SUCO: variants seen among roughly 807,000 people sequenced by gnomAD.
SUCO encodes the protein SUN domain-containing ossification factor.
In SUCO, 57 loss-of-function variants were observed where a neutral mutation model predicts 148.1. That is an observed-to-expected ratio of 0.38 (90% CI 0.31 to 0.48). The LOEUF is 0.48. Ranked by LOEUF, SUCO falls within the 20% of genes least tolerant of loss-of-function variation. The pLI is 0.96. For synonymous variants in SUCO, 470 were observed against 502.7 expected, an observed-to-expected ratio of 0.93 and a Z score of 0.87; for missense variants, 1,331 against 1,468.2, an observed-to-expected ratio of 0.91 and a Z score of 1.53.
At chr1:172,573,518 A>G (rs987629953) in intron 9 of SUCO, among the ~76,000 whole-genome samples, 4 of 152,196 alleles carry the variant, frequency 2.6e-5, no homozygotes, top group African/African-American at 9.6e-5. Flanking sequence ...ATCGAAGACT[A>G]TGATAACTTT....
At chr1:172,570,638 G>A (rs955550237) in intron 8 of SUCO, 25 bp from the exon 9 acceptor site, 1 of 1,432,540 alleles carries the variant, frequency 7.0e-7, no homozygotes. Flanking sequence ...TAAGTAATTT[G>A]TTTCCTTTCC....
chr1:172,573,226 T>TC (rs1304991247), intron 9 of SUCO, among the ~76,000 whole-genome samples: 1 of 152,128 alleles, frequency 6.6e-6, no homozygotes, highest in Non-Finnish European at 1.5e-5. Context: ...CAAACTCTCT[T>TC]CCCCCACAGC....
At chr1:172,588,443 A>C in intron 17 of SUCO, 6 of 985,238 alleles carry the variant, frequency 6.1e-6, no homozygotes, top group Non-Finnish European at 7.2e-6. Flanking sequence ...GGAAAGGAAC[A>C]CTACATTCAG....
intron 6 of SUCO, among the ~76,000 whole-genome samples, chr1:172,567,497 A>G (rs953409993): frequency 6.6e-6 from 1 of 152,228 alleles, no homozygotes; most frequent in African/African-American, 2.4e-5. Flanking sequence ...TAAATAATAT[A>G]TATTATATGG....
chr1:172,602,860 G>A, intron 22 of SUCO, 73 bp downstream of exon 22: 1 of 1,327,204 alleles, frequency 7.5e-7, no homozygotes, highest in African/African-American at 1.5e-5. Context: ...TAATGTCAGT[G>A]TTGTGTTCAT....
At chr1:172,569,668 C>T (rs1051626590) in intron 7 of SUCO, among the ~76,000 whole-genome samples, 1 of 151,740 alleles carries the variant, frequency 6.6e-6, no homozygotes, top group African/African-American at 2.4e-5. Context: ...AACAAACCTG[C>T]ACATCTTGCG....
intron 10 of SUCO, chr1:172,575,060 T>G (rs1655334366): frequency 4.9e-6 from 1 of 205,640 alleles, no homozygotes; most frequent in African/African-American, 2.4e-5. Flanking sequence ...TTTTAGACTT[T>G]TATATTAAAT....
In SUCO at chr1:172,589,792, A is replaced by G. The variant is rs1359867505; in HGVS notation, c.2691A>G (p.Leu897=). 3 of 1,612,294 alleles carry G rather than the reference A, an allele frequency of 1.9e-6. No homozygotes were observed. Among genetic ancestry groups the G allele is most frequent in the South Asian group, 1.1e-5 (1 of 90,870 alleles). The part of the protein sequence containing the change: ...FYAELQNSTD[L]GYANGNLVHG... The stretch of plus-strand genomic sequence containing the variant: ...CTGAATTGCAAAATTCTACAGATCT[A>G]GGATATGCTAATGGAAATCTTGTAC... The change falls in exon 18 of 24, where the codon CTA becomes CTG. Residue 897 remains leucine, a synonymous_variant. Transcript: ENST00000263688.
At chr1:172,532,979 A>C, upstream of SUCO, 2 of 1,385,314 alleles carry the variant, frequency 1.4e-6, no homozygotes, top group African/African-American at 1.5e-5. Flanking sequence ...TGGCCTGCGC[A>C]GAGGCTGGTG....
rs114175104 is a variant in SUCO at position 172,563,256 on chromosome 1, C to T, written c.732+5462C>T. 9.3e-3 allele frequency among the ~76,000 whole-genome samples: 1,413 copies of T among 152,184 alleles called. 23 individuals carry two copies. The highest frequency in any genetic ancestry group is 0.032 in the African/African-American group (1,346 of 41,482). On this transcript the variant is annotated intron_variant, in intron 6 of 23. Coordinates refer to ENST00000263688, the MANE Select transcript of SUCO (RefSeq NM_014283.5). ...AGTGACTTTGGAACTGGGAAATGGG[C>T]AGAGGTTGGACAGTTTGGAGGGCTC...
At chr1:172,551,352 AT>A (rs1653282069) in intron 1 of SUCO, among the ~76,000 whole-genome samples, 159 bp from the exon 2 acceptor site, 1 of 151,970 alleles carries the variant, frequency 6.6e-6, no homozygotes, top group African/African-American at 2.4e-5. Flanking sequence ...ATACGTATTG[AT>A]TTTCGTCATT....
chr1:172,573,488 G>C (rs1160842929), intron 9 of SUCO, among the ~76,000 whole-genome samples: 1 of 152,070 alleles, frequency 6.6e-6, no homozygotes, highest in East Asian at 1.9e-4. Context: ...GAATCCTTAA[G>C]ATAAATTTCT....
In SUCO at chr1:172,567,159, T is replaced by C. The variant is rs949104885; in HGVS notation, c.733-1860T>C. On this transcript the variant is annotated intron_variant, in intron 6 of 23. Coordinates refer to ENST00000263688, the MANE Select transcript of SUCO (RefSeq NM_014283.5). ...AAAGAAGAAATAGTCCCAGAAGTTA[T>C]GGATATTTCATGTTAGTGCTCAAAA... 2.0e-5 allele frequency among the ~76,000 whole-genome samples: 3 copies of C among 152,228 alleles called. 1 individual carries two copies. The highest frequency in any genetic ancestry group is 4.1e-4 in the South Asian group (2 of 4,830).
chr1:172,562,639 C>A (rs895023599), intron 6 of SUCO, among the ~76,000 whole-genome samples: 10 of 152,146 alleles, frequency 6.6e-5, no homozygotes, highest in Non-Finnish European at 1.2e-4. Context: ...CCCAGTTAGA[C>A]CATTCTTTAG....
At chr1:172,571,019 A>G (rs903855263) in intron 9 of SUCO, among the ~76,000 whole-genome samples, 2 of 152,204 alleles carry the variant, frequency 1.3e-5, no homozygotes, top group Non-Finnish European at 2.9e-5. Context: ...GAGATGAGAG[A>G]AGGCTTCCTG....
At chr1:172,599,979 G>T (rs1657391294) in intron 19 of SUCO, 85 bp from the exon 20 acceptor site, 4 of 928,808 alleles carry the variant, frequency 4.3e-6, no homozygotes, top group East Asian at 2.9e-5. Flanking sequence ...TAACTTAATG[G>T]TTTTTTTTAG....
chr1:172,547,615 A>G (rs75773963), intron 1 of SUCO, among the ~76,000 whole-genome samples: 5,634 of 152,286 alleles, frequency 0.037, 361 homozygotes, highest in African/African-American at 0.13. Context: ...TGTAGCCTTC[A>G]AAAATGTTAG....
intron 1 of SUCO, chr1:172,551,072 A>T (rs1053533779): frequency 5.9e-6 from 1 of 169,958 alleles, no homozygotes; most frequent in African/African-American, 2.4e-5. Context: ...TTAGTTTTTG[A>T]TATCACTGTT....
chr1:172,572,318 G>A (rs1225636232), intron 9 of SUCO, among the ~76,000 whole-genome samples: 1 of 151,830 alleles, frequency 6.6e-6, no homozygotes, highest in Non-Finnish European at 1.5e-5. Context: ...TGTGGAAAGA[G>A]GTAGACACGG....
Sources: gnomAD v4.1 joint callset for allele counts (sites outside exome capture counted in the v4.1 genomes callset) on GRCh38, gnomAD v4.1.1 for gene constraint, MANE v1.5 for transcripts, NCBI Gene and HGNC (gene_info 2026-07-23, HGNC 2026-07-21) for gene names.